Variants in SPOCK3 observed in about 807,000 individuals in gnomAD.
SPOCK3 encodes SPARC (osteonectin), cwcv and kazal like domains proteoglycan 3.
In SPOCK3, 30 loss-of-function variants were observed where a neutral mutation model predicts 56.6. That is an observed-to-expected ratio of 0.53 (90% CI 0.40 to 0.72). The LOEUF (loss-of-function observed/expected upper bound fraction) is 0.72, where lower values mean the gene tolerates loss of function less well. Ranked by LOEUF, SPOCK3 falls within the 30% of genes least tolerant of loss-of-function variation. The pLI is 0.00. For missense variants in SPOCK3, 527 were observed against 530.0 expected, an observed-to-expected ratio of 0.99 and a Z score of 0.06; for synonymous variants, 196 against 183.3, an observed-to-expected ratio of 1.07 and a Z score of -0.56.
intron 2 of SPOCK3, among the ~76,000 whole-genome samples, chr4:167,196,944 A>G (rs1295232955): frequency 6.6e-6 from 1 of 152,142 alleles, no homozygotes; most frequent in Non-Finnish European, 1.5e-5. Flanking sequence ...ATATAACATT[A>G]TCTTTGCCAT....
At chr4:167,131,081 G>A (rs1274314629) in intron 2 of SPOCK3, among the ~76,000 whole-genome samples, 1 of 151,688 alleles carries the variant, frequency 6.6e-6, no homozygotes, top group African/African-American at 2.4e-5. Context: ...AAGGTTCAAG[G>A]TTTTTAAAAA....
At chr4:166,773,749 T>C (rs954777800) in intron 7 of SPOCK3, among the ~76,000 whole-genome samples, 1 of 152,176 alleles carries the variant, frequency 6.6e-6, no homozygotes, top group African/African-American at 2.4e-5. Context: ...ACAATCTTTA[T>C]CTCTAATCCA....
intron 3 of SPOCK3, among the ~76,000 whole-genome samples, chr4:167,018,776 C>G (rs546024918): frequency 6.6e-6 from 1 of 152,092 alleles, no homozygotes; most frequent in East Asian, 2.0e-4. Context: ...TTTGGAATAG[C>G]TTCATGTTGG....
At chr4:167,117,787 C>A (rs906753596) in intron 2 of SPOCK3, among the ~76,000 whole-genome samples, 3 of 152,138 alleles carry the variant, frequency 2.0e-5, no homozygotes, top group Non-Finnish European at 4.4e-5. Context: ...AGTCAATGCA[C>A]ACATTCCAGG....
At chr4:167,141,852 C>T (rs906246930) in intron 2 of SPOCK3, among the ~76,000 whole-genome samples, 1 of 151,722 alleles carries the variant, frequency 6.6e-6, no homozygotes, top group African/African-American at 2.4e-5. Flanking sequence ...ACCTAGAACC[C>T]AGCACAACAG....
intron 5 of SPOCK3, among the ~76,000 whole-genome samples, chr4:166,895,796 G>A (rs779843298): frequency 6.6e-6 from 1 of 152,146 alleles, no homozygotes; most frequent in Non-Finnish European, 1.5e-5. Flanking sequence ...AGTATATTTT[G>A]GGATTTCTAA....
At chr4:167,213,154 G>A (rs1311645345) in intron 2 of SPOCK3, among the ~76,000 whole-genome samples, 1 of 152,166 alleles carries the variant, frequency 6.6e-6, no homozygotes, top group African/African-American at 2.4e-5. Flanking sequence ...CTAATTGATG[G>A]CAAAGTAAAT....
At chr4:167,088,553 C>T (rs1220597978) in intron 2 of SPOCK3, among the ~76,000 whole-genome samples, 1 of 151,082 alleles carries the variant, frequency 6.6e-6, no homozygotes, top group Non-Finnish European at 1.5e-5. Flanking sequence ...CAACCACCGC[C>T]TCCCAGGTTA....
intron 5 of SPOCK3, among the ~76,000 whole-genome samples, chr4:166,906,851 A>C (rs1736677056): frequency 6.6e-6 from 1 of 152,032 alleles, no homozygotes; most frequent in Non-Finnish European, 1.5e-5. Context: ...AATTTGCTTC[A>C]ATTTTACATT....
At chr4:167,039,164 A>G (rs1304160372) in intron 3 of SPOCK3, among the ~76,000 whole-genome samples, 2 of 151,952 alleles carry the variant, frequency 1.3e-5, no homozygotes, top group African/African-American at 4.8e-5. Flanking sequence ...TTTAACCCCA[A>G]TCTCTGCTGC....
chr4:167,141,145 G>T lies in SPOCK3; in HGVS notation c.190-78608C>A, dbSNP rs545849195. ...TAAGTCCTGATCAGCTAACAGATTT[G>T]GACTTCAGCCCCAATTACACCAGGA... is the stretch of plus-strand genomic sequence containing the variant. On this transcript the variant is annotated intron_variant, in intron 2 of 10. Transcript: ENST00000357545. 3.3e-5 allele frequency among the ~76,000 whole-genome samples: 5 copies of T among 151,904 alleles called. No individual in the cohort carries two copies. In the East Asian group the frequency reaches 7.8e-4, roughly 24 times the overall value.
chr4:167,209,573 C>T (rs1734666546), intron 2 of SPOCK3, among the ~76,000 whole-genome samples: 1 of 152,072 alleles, frequency 6.6e-6, no homozygotes, highest in Admixed American at 6.6e-5. Context: ...TAAAGAGCTC[C>T]TGTTGCCCTA....
intron 2 of SPOCK3, among the ~76,000 whole-genome samples, chr4:167,217,254 G>A (rs1010653630): frequency 1.3e-5 from 2 of 151,970 alleles, no homozygotes; most frequent in South Asian, 2.1e-4. Flanking sequence ...TTGACCCTCT[G>A]TATCCATGAA....
intron 4 of SPOCK3, among the ~76,000 whole-genome samples, chr4:166,929,439 G>T (rs1739485055): frequency 6.6e-6 from 1 of 152,120 alleles, no homozygotes; most frequent in Non-Finnish European, 1.5e-5. Flanking sequence ...CAAATAGATT[G>T]TAGATCAATG....
chr4:167,149,762 T>C (rs963916739), intron 2 of SPOCK3, among the ~76,000 whole-genome samples: 6 of 152,086 alleles, frequency 3.9e-5, no homozygotes, highest in African/African-American at 9.6e-5. Context: ...ATTATTAATG[T>C]ATGAGTTCCT....
At chr4:166,981,285 G>C (rs1746539035) in intron 4 of SPOCK3, among the ~76,000 whole-genome samples, 1 of 151,692 alleles carries the variant, frequency 6.6e-6, no homozygotes, top group African/African-American at 2.4e-5. Context: ...CCTCAGCAGA[G>C]AGGAGAATGG....
chr4:166,910,057 A>G (rs541458847), intron 5 of SPOCK3, among the ~76,000 whole-genome samples: 43 of 152,280 alleles, frequency 2.8e-4, no homozygotes, highest in African/African-American at 1.0e-3. Flanking sequence ...AAACTCTTAA[A>G]AAAAGATTAG....
chr4:167,003,478 A>G (rs1379235407), intron 3 of SPOCK3, among the ~76,000 whole-genome samples: 2 of 152,194 alleles, frequency 1.3e-5, no homozygotes, highest in Non-Finnish European at 2.9e-5. Context: ...TATTCTTGAA[A>G]CCACAACAAT....
At position 166,769,970 on chromosome 4, in the gene SPOCK3, C is replaced by T. The variant is rs1043799852; in HGVS notation, c.710-15241G>A. Among the ~76,000 whole-genome samples the T allele has an allele frequency of 2.8e-4, 42 of 152,208 alleles. 2 individuals carry two copies. The highest frequency in any genetic ancestry group is 2.7e-3 in the Admixed American group (41 of 15,284). On this transcript the variant is annotated intron_variant, in intron 7 of 10. Transcript: ENST00000357545. ...CTAGTAACGAGTGAGGCTTCATGTG[C>T]ATGGTACCCTCCGAGCCATGCACGG...
Sources: gnomAD v4.1 joint callset for allele counts (sites outside exome capture counted in the v4.1 genomes callset) on GRCh38, gnomAD v4.1.1 for gene constraint, MANE v1.5 for transcripts, NCBI Gene and HGNC (gene_info 2026-07-23, HGNC 2026-07-21) for gene names.